Variants in ENTREP2 observed in about 807,000 individuals in gnomAD.
The protein encoded by ENTREP2 is protein ENTREP2.
the ENTREP2 span, among the ~76,000 whole-genome samples, chr15:29,168,936 G>A: frequency 2.0e-5 from 3 of 152,172 alleles, no homozygotes; most frequent in Non-Finnish European, 4.4e-5. Context: ...ACTCTTTAGT[G>A]GATGGCTGTA....
the ENTREP2 span, chr15:29,123,174 G>T: frequency 1.5e-6 from 1 of 687,360 alleles, no homozygotes; most frequent in Non-Finnish European, 2.4e-6. Flanking sequence ...GAGAGAGGGG[G>T]TAACAGTTCC....
At chr15:29,269,309 G>T in the ENTREP2 span, 18 of 1,614,234 alleles carry the variant, frequency 1.1e-5, no homozygotes, top group Admixed American at 1.3e-4. Context: ...TACTGGAGGC[G>T]CTCGGCGGCC....
chr15:29,444,146 AAGAC>A, the ENTREP2 span, among the ~76,000 whole-genome samples: 50 of 87,698 alleles, frequency 5.7e-4, 4 homozygotes, highest in Non-Finnish European at 8.8e-4. Flanking sequence ...GACAGAAAGA[AAGAC>A]AGACAGAAAG....
chr15:29,319,962 G>A, the ENTREP2 span, among the ~76,000 whole-genome samples: 3 of 152,320 alleles, frequency 2.0e-5, no homozygotes, highest in South Asian at 4.1e-4. Context: ...CCTGATGGCT[G>A]TAGCAGGGGA....
At chr15:29,642,536 CAT>C in the ENTREP2 span, among the ~76,000 whole-genome samples, 1 of 146,872 alleles carries the variant, frequency 6.8e-6, no homozygotes, top group Non-Finnish European at 1.5e-5. Context: ...ACATATATAT[CAT>C]ATGTACATAT....
the ENTREP2 span, among the ~76,000 whole-genome samples, chr15:29,399,044 GCCT>G: frequency 2.6e-5 from 4 of 152,184 alleles, no homozygotes; most frequent in Non-Finnish European, 4.4e-5. Context: ...TGTGCTGCTG[GCCT>G]TGAAGAAGTG....
the ENTREP2 span, among the ~76,000 whole-genome samples, chr15:29,438,752 T>C: frequency 6.6e-6 from 1 of 152,122 alleles, no homozygotes; most frequent in East Asian, 1.9e-4. Flanking sequence ...AAAGTTATCC[T>C]TTTGCCTCCG....
the ENTREP2 span, among the ~76,000 whole-genome samples, chr15:29,571,116 G>GCGGGAGCCGGGACC: frequency 0.011 from 1,664 of 151,240 alleles, 15 homozygotes; most frequent in Middle Eastern, 0.024. Context: ...TGGGGCGGGA[G>GCGGGAGCCGGGACC]CGGGAGCCGG....
chr15:29,597,504 G>A, the ENTREP2 span, among the ~76,000 whole-genome samples: 1 of 151,214 alleles, frequency 6.6e-6, no homozygotes, highest in Non-Finnish European at 1.5e-5. Flanking sequence ...GGAGGCGGAG[G>A]TTGCTGTGAG....
At chr15:29,656,649 T>A in the ENTREP2 span, among the ~76,000 whole-genome samples, 1 of 152,200 alleles carries the variant, frequency 6.6e-6, no homozygotes, top group African/African-American at 2.4e-5. Flanking sequence ...AAAACCACAG[T>A]GAGAGTCCAG....
the ENTREP2 span, among the ~76,000 whole-genome samples, chr15:29,436,395 G>T: frequency 6.6e-6 from 1 of 152,160 alleles, no homozygotes; most frequent in Admixed American, 6.5e-5. Flanking sequence ...TGGCACTGGG[G>T]TCAATCGTTT....
the ENTREP2 span, among the ~76,000 whole-genome samples, chr15:29,378,774 G>GATAT: frequency 4.1e-4 from 62 of 151,886 alleles, no homozygotes; most frequent in African/African-American, 1.3e-3. Context: ...TTATAACCTA[G>GATAT]ATATATATAT....
chr15:29,672,376 A>G, the ENTREP2 span, among the ~76,000 whole-genome samples: 2 of 152,212 alleles, frequency 1.3e-5, 1 homozygote, highest in East Asian at 3.9e-4. Context: ...TGAGGAAATC[A>G]GTTGTCCAAT....
At chr15:29,230,478 A>G in the ENTREP2 span, among the ~76,000 whole-genome samples, 2 of 152,242 alleles carry the variant, frequency 1.3e-5, no homozygotes, top group African/African-American at 4.8e-5. Flanking sequence ...AGAAAGGTAG[A>G]TATTAAACAA....
the ENTREP2 span, among the ~76,000 whole-genome samples, chr15:29,493,860 C>T: frequency 6.6e-6 from 1 of 151,858 alleles, no homozygotes; most frequent in Admixed American, 6.6e-5. Context: ...ACCCGTAATC[C>T]CAGGTACTCG....
chr15:29,314,138 G>T, the ENTREP2 span, among the ~76,000 whole-genome samples: 3 of 152,216 alleles, frequency 2.0e-5, no homozygotes, highest in Admixed American at 1.3e-4. Context: ...TGTTTCTTGA[G>T]ATGGAATCTA....
the ENTREP2 span, among the ~76,000 whole-genome samples, chr15:29,287,399 A>AAG: frequency 1.5e-4 from 1 of 6,700 alleles, no homozygotes; most frequent in Admixed American, 2.6e-3. Flanking sequence ...AAAAAAAAAG[A>AAG]AAAAAAAAAA....
At chr15:29,478,025 T>TTTATATATATATATATATATA in the ENTREP2 span, among the ~76,000 whole-genome samples, 2 of 122,842 alleles carry the variant, frequency 1.6e-5, no homozygotes, top group African/African-American at 6.8e-5. Flanking sequence ...ATATATTTTT[T>TTTATATATATATATATATATA]TTTTTTTTTT....
At chr15:29,536,412 G>A in the ENTREP2 span, among the ~76,000 whole-genome samples, 1 of 152,042 alleles carries the variant, frequency 6.6e-6, no homozygotes, top group Non-Finnish European at 1.5e-5. Flanking sequence ...CTGGAAACCT[G>A]TTATGGTTGA....
Sources: allele counts gnomAD v4.1 joint callset (sites outside exome capture counted in the v4.1 genomes callset), GRCh38; gene constraint gnomAD v4.1.1; transcripts MANE v1.5; gene names NCBI Gene and HGNC (gene_info 2026-07-23, HGNC 2026-07-21).